PLPP3: variants seen among roughly 807,000 people sequenced by gnomAD.
PLPP3 encodes the protein phospholipid phosphatase 3, also known as PAP2 beta.
In PLPP3, 6 loss-of-function variants were observed where a neutral mutation model predicts 29.6. The ratio of observed to expected loss-of-function variants is 0.20; its 90% CI spans 0.11 to 0.40. The LOEUF is 0.40. Among genes scored for constraint, PLPP3 ranks in the 10% least tolerant of loss-of-function variants. The pLI is 1.00. For missense variants in PLPP3, 308 were observed against 407.7 expected, an observed-to-expected ratio of 0.76 and a Z score of 2.11; for synonymous variants, 152 against 159.7, an observed-to-expected ratio of 0.95 and a Z score of 0.36.
intron 2 of PLPP3, among the ~76,000 whole-genome samples, chr1:56,532,979 G>A (rs181299643): frequency 5.3e-5 from 8 of 152,138 alleles, no homozygotes; most frequent in Non-Finnish European, 8.8e-5. Flanking sequence ...AGAAATGTCC[G>A]CCTGGTGTTT....
chr1:56,511,936 C>T, intron 5 of PLPP3, 40 bp downstream of exon 5: 1 of 1,608,408 alleles, frequency 6.2e-7, no homozygotes, highest in East Asian at 2.2e-5. Context: ...AGCAACAGTC[C>T]AGGGCTCCAC....
At chr1:56,550,616 T>C (rs1204050547) in intron 1 of PLPP3, among the ~76,000 whole-genome samples, 4 of 152,058 alleles carry the variant, frequency 2.6e-5, no homozygotes, top group African/African-American at 7.2e-5. Flanking sequence ...CAAGGGGGGT[T>C]CAGGCCTTCT....
chr1:56,578,811 A>G, intron 1 of PLPP3, 67 bp downstream of exon 1: 1 of 1,409,314 alleles, frequency 7.1e-7, no homozygotes. Flanking sequence ...GCGGCCCCGG[A>G]CTGGGCTGGG....
chr1:56,542,434 T>C (rs907614517), intron 1 of PLPP3, among the ~76,000 whole-genome samples: 3 of 152,090 alleles, frequency 2.0e-5, no homozygotes, highest in Non-Finnish European at 4.4e-5. Context: ...AAGAAGAGAA[T>C]GATGGGAAGG....
intron 1 of PLPP3, among the ~76,000 whole-genome samples, chr1:56,574,964 T>C (rs1487739738): frequency 6.6e-6 from 1 of 152,190 alleles, no homozygotes; most frequent in Non-Finnish European, 1.5e-5. Flanking sequence ...AAAATTTAAA[T>C]GAATTTTTCC....
chr1:56,560,500 G>GT (rs1367740427), intron 1 of PLPP3, among the ~76,000 whole-genome samples: 4 of 152,112 alleles, frequency 2.6e-5, no homozygotes, highest in African/African-American at 9.7e-5. Context: ...TCAGGGTCTG[G>GT]TGAGGACTTG....
At chr1:56,565,401 A>C (rs896232865) in intron 1 of PLPP3, among the ~76,000 whole-genome samples, 3 of 152,096 alleles carry the variant, frequency 2.0e-5, no homozygotes, top group Non-Finnish European at 4.4e-5. Flanking sequence ...GATGTGAATG[A>C]TAAAAGGCCT....
At chr1:56,506,691 C>T (rs1186873908) in intron 5 of PLPP3, among the ~76,000 whole-genome samples, 1 of 152,182 alleles carries the variant, frequency 6.6e-6, no homozygotes, top group African/African-American at 2.4e-5. Context: ...GATGTCTGTT[C>T]CTTCGTCCTA....
chr1:56,516,925 C>T (rs1168401616), intron 4 of PLPP3: 1 of 152,196 alleles, frequency 6.6e-6, no homozygotes, highest in East Asian at 1.9e-4. Context: ...CTTTGTCCTA[C>T]CTTCAGAACT....
intron 1 of PLPP3, among the ~76,000 whole-genome samples, chr1:56,544,037 G>A (rs1317195406): frequency 6.6e-6 from 1 of 152,182 alleles, no homozygotes; most frequent in African/African-American, 2.4e-5. Flanking sequence ...ATACTGCAGT[G>A]ATTTTGAGTT....
chr1:56,495,247 G>A lies in PLPP3; in HGVS notation c.*1304C>T, dbSNP rs962491355. 1.3e-5 allele frequency: 2 copies of A among 152,604 alleles called. No individual in the cohort carries two copies. Among genetic ancestry groups the A allele is most frequent in the Admixed American group, 6.5e-5 (1 of 15,268 alleles). 9.5% of individuals were successfully genotyped at this position (152,604 alleles called of 1,614,324 possible). A position where few individuals can be genotyped will look rare whatever the true frequency, so the allele number is the denominator to read the frequency against. On this transcript the variant is annotated 3_prime_UTR_variant, in exon 6 of 6. Coordinates refer to ENST00000371250, the MANE Select transcript of PLPP3 (RefSeq NM_003713.5). ...TCCATATGGTTACATTTAACCCTTT[G>A]AAAGGTCTGCATCCAAGATCTAAAC... is the stretch of plus-strand genomic sequence containing the variant.
chr1:56,514,965 A>G (rs1205377175), intron 4 of PLPP3, among the ~76,000 whole-genome samples: 1 of 152,222 alleles, frequency 6.6e-6, no homozygotes, highest in East Asian at 1.9e-4. Context: ...CTCCAACTCA[A>G]CACAAGTCTT....
intron 1 of PLPP3, among the ~76,000 whole-genome samples, chr1:56,545,779 G>A (rs960562817): frequency 1.3e-5 from 2 of 152,156 alleles, no homozygotes; most frequent in Admixed American, 6.5e-5. Context: ...AAAACACCCC[G>A]TCTATGTGGC....
At position 56,578,891 on chromosome 1, in the gene PLPP3, G is replaced by T. The variant is rs370279307; in HGVS notation, c.126C>A (p.Phe42Leu). ...KRVLLICLDLFCLFMAGLPFL... is the reference protein window; with the variant it reads ...KRVLLICLDLLCLFMAGLPFL... ...GGCTGGGCTCACCCATGAAGAGGCA[G>T]AAGAGGTCGAGGCAGATGAGCAGCA... is the stretch of plus-strand genomic sequence containing the variant. Residue 42 changes from phenylalanine (F) to leucine (L), a missense_variant, in exon 1 of 6, where the codon TTC becomes TTA. This residue lies in a region of PLPP3 where 67 missense variants were observed against 61.3 expected (regional missense o/e 1.09). Transcript: ENST00000371250. The T allele has an allele frequency of 1.3e-6, 2 of 1,590,726 alleles. No homozygotes were observed. Among genetic ancestry groups the T allele is most frequent in the African/African-American group, 1.4e-5 (1 of 72,660 alleles).
At chr1:56,541,936 G>T (rs1477896440) in intron 1 of PLPP3, among the ~76,000 whole-genome samples, 1 of 147,384 alleles carries the variant, frequency 6.8e-6, no homozygotes, top group South Asian at 2.2e-4. Flanking sequence ...GTAATAAAAG[G>T]TGCATTACAA....
intron 4 of PLPP3, among the ~76,000 whole-genome samples, chr1:56,516,012 T>C (rs770227062): frequency 6.6e-6 from 1 of 152,168 alleles, no homozygotes; most frequent in Non-Finnish European, 1.5e-5. Flanking sequence ...TCTGCCCTGG[T>C]GAATGACATT....
chr1:56,564,066 T>C (rs879415914), intron 1 of PLPP3, among the ~76,000 whole-genome samples: 3 of 152,216 alleles, frequency 2.0e-5, no homozygotes, highest in Non-Finnish European at 4.4e-5. Flanking sequence ...TTGAAACTAA[T>C]AGTGAAAATT....
chr1:56,532,645 AG>A (rs1645897543), intron 2 of PLPP3, among the ~76,000 whole-genome samples: 1 of 152,156 alleles, frequency 6.6e-6, no homozygotes, highest in Non-Finnish European at 1.5e-5. Flanking sequence ...TGAGATTTTA[AG>A]GAAGAAAACA....
chr1:56,561,044 T>TC (rs1380263086), intron 1 of PLPP3, among the ~76,000 whole-genome samples: 2 of 150,632 alleles, frequency 1.3e-5, no homozygotes, highest in African/African-American at 4.9e-5. Flanking sequence ...AGATGGGGTT[T>TC]CACCATGTTA....
Sources: allele counts gnomAD v4.1 joint callset (sites outside exome capture counted in the v4.1 genomes callset), GRCh38; gene constraint gnomAD v4.1.1; regional missense constraint gnomAD v4.1.1; transcripts MANE v1.5; gene names NCBI Gene and HGNC (gene_info 2026-07-23, HGNC 2026-07-21).